MEGF10: variants seen among roughly 807,000 people sequenced by gnomAD.
The protein encoded by MEGF10 is multiple epidermal growth factor-like domains protein 10.
MEGF10 carries 86 observed loss-of-function variants against 147.5 expected under a neutral mutation model. The ratio of observed to expected loss-of-function variants is 0.58; its 90% CI spans 0.49 to 0.70. The LOEUF (loss-of-function observed/expected upper bound fraction) is 0.70. MEGF10 is among the 30% of genes least tolerant of loss of function. The probability of loss-of-function intolerance (pLI) is 0.00; values close to 1 mark genes in which losing one functional copy is unlikely to be tolerated. For missense variants in MEGF10, 1,329 were observed against 1,487.3 expected, an observed-to-expected ratio of 0.89 and a Z score of 1.75; for synonymous variants, 478 against 525.5, an observed-to-expected ratio of 0.91 and a Z score of 1.24.
At chr5:127,382,055 A>G (rs982898507) in intron 5 of MEGF10, among the ~76,000 whole-genome samples, 1 of 152,204 alleles carries the variant, frequency 6.6e-6, no homozygotes, top group African/African-American at 2.4e-5. Context: ...AGAACTTTTT[A>G]AAACACTTGA....
At chr5:127,253,272 A>C in the MEGF10 span, among the ~76,000 whole-genome samples, 1 of 152,004 alleles carries the variant, frequency 6.6e-6, no homozygotes, top group Non-Finnish European at 1.5e-5. Context: ...AATATGATAA[A>C]GTATGAAGGA....
At chr5:127,450,754 G>C (rs976094539) in intron 22 of MEGF10, among the ~76,000 whole-genome samples, 4 of 151,704 alleles carry the variant, frequency 2.6e-5, no homozygotes, top group Non-Finnish European at 4.4e-5. Flanking sequence ...GTTTTGTTTT[G>C]TTTTGTTTTT....
chr5:127,271,572 T>A, the MEGF10 span, among the ~76,000 whole-genome samples: 1 of 152,114 alleles, frequency 6.6e-6, no homozygotes, highest in East Asian at 1.9e-4. Context: ...GAATTGTAGT[T>A]CCCATAATCC....
intron 2 of MEGF10, among the ~76,000 whole-genome samples, chr5:127,338,363 T>C (rs971931744): frequency 2.6e-5 from 4 of 152,162 alleles, no homozygotes; most frequent in Non-Finnish European, 4.4e-5. Context: ...AAGTCTGGAA[T>C]TCAACAGTGA....
intron 5 of MEGF10, among the ~76,000 whole-genome samples, chr5:127,372,921 C>A (rs1252147511): frequency 2.0e-5 from 3 of 152,104 alleles, no homozygotes; most frequent in Admixed American, 1.3e-4. Flanking sequence ...GACTATCGAG[C>A]CTTCAGGGAT....
At chr5:127,341,423 G>A (rs1761679999) in intron 4 of MEGF10, among the ~76,000 whole-genome samples, 1 of 152,146 alleles carries the variant, frequency 6.6e-6, no homozygotes, top group Non-Finnish European at 1.5e-5. Flanking sequence ...TAATTTGGAG[G>A]CACCAGGAAT....
intron 4 of MEGF10, among the ~76,000 whole-genome samples, chr5:127,350,727 G>C (rs1406574872): frequency 1.3e-5 from 2 of 151,726 alleles, no homozygotes; most frequent in Non-Finnish European, 2.9e-5. Flanking sequence ...AAAACACCTA[G>C]GCCACTTCAA....
intron 22 of MEGF10, among the ~76,000 whole-genome samples, chr5:127,451,744 T>C (rs1053723364): frequency 3.4e-4 from 51 of 152,174 alleles, no homozygotes; most frequent in African/African-American, 1.1e-3. Context: ...AGGATCTTCA[T>C]TGGAAATTCT....
chr5:127,308,919 G>T (rs1760134879), intron 1 of MEGF10, among the ~76,000 whole-genome samples: 1 of 151,868 alleles, frequency 6.6e-6, no homozygotes. Flanking sequence ...AAAATAAAAG[G>T]TTAAGAGAAA....
intron 18 of MEGF10, among the ~76,000 whole-genome samples, chr5:127,442,017 A>G (rs1442942043): frequency 6.6e-6 from 1 of 152,254 alleles, no homozygotes; most frequent in Non-Finnish European, 1.5e-5. Flanking sequence ...ACTGAGTGAC[A>G]CAGTTGCATA....
intron 4 of MEGF10, among the ~76,000 whole-genome samples, chr5:127,368,053 C>A (rs1448666439): frequency 2.0e-5 from 3 of 152,124 alleles, no homozygotes; most frequent in African/African-American, 7.2e-5. Context: ...AACAAAAGAC[C>A]AGTACCTTGT....
At chr5:127,294,257 T>C (rs1759396165) in intron 1 of MEGF10, among the ~76,000 whole-genome samples, 1 of 152,234 alleles carries the variant, frequency 6.6e-6, no homozygotes, top group African/African-American at 2.4e-5. Flanking sequence ...ATATTTATTA[T>C]CTGAATGTTT....
chr5:127,369,061 A>G (rs1762754419), intron 4 of MEGF10, among the ~76,000 whole-genome samples: 1 of 152,240 alleles, frequency 6.6e-6, no homozygotes, highest in African/African-American at 2.4e-5. Context: ...TCTCTAAAGT[A>G]CAGAGCACCT....
At chr5:127,284,817 C>A in the MEGF10 span, among the ~76,000 whole-genome samples, 1 of 152,060 alleles carries the variant, frequency 6.6e-6, no homozygotes, top group Non-Finnish European at 1.5e-5. Context: ...GCTTTTAAAT[C>A]ATAGATTTAG....
intron 13 of MEGF10, among the ~76,000 whole-genome samples, chr5:127,426,390 A>C (rs1250254666): frequency 9.2e-5 from 14 of 152,238 alleles, no homozygotes. Flanking sequence ...ATTTCCAAAA[A>C]AAGTACCATT....
the MEGF10 span, among the ~76,000 whole-genome samples, chr5:127,246,990 A>G: frequency 1.5e-5 from 2 of 131,538 alleles, no homozygotes; most frequent in African/African-American, 3.0e-5. Context: ...AAAAGAATAT[A>G]TATATATATA....
intron 5 of MEGF10, among the ~76,000 whole-genome samples, chr5:127,390,554 G>A (rs957708008): frequency 1.3e-5 from 2 of 152,210 alleles, no homozygotes; most frequent in African/African-American, 4.8e-5. Context: ...GCTTCACAGA[G>A]TGCTGGGATC....
At chr5:127,244,322 GCCACTGCACTGCAGCCT>G in the MEGF10 span, among the ~76,000 whole-genome samples, 1 of 149,530 alleles carries the variant, frequency 6.7e-6, no homozygotes, top group African/African-American at 2.5e-5. Flanking sequence ...GGGCTATCGT[GCCACTGCACTGCAGCCT>G]CCAGCCCAGG....
At chr5:127,310,691 A>G (rs558104202) in intron 1 of MEGF10, among the ~76,000 whole-genome samples, 1 of 152,286 alleles carries the variant, frequency 6.6e-6, no homozygotes, top group East Asian at 1.9e-4. Context: ...CAGGGAGATC[A>G]CAAAGGCTCA....
Sources: gnomAD v4.1 joint callset for allele counts (sites outside exome capture counted in the v4.1 genomes callset) on GRCh38, gnomAD v4.1.1 for gene constraint, MANE v1.5 for transcripts, NCBI Gene and HGNC (gene_info 2026-07-23, HGNC 2026-07-21) for gene names.